Variants in UBE2E2 observed in about 807,000 individuals in gnomAD.
UBE2E2 encodes the protein ubiquitin-conjugating enzyme E2 E2.
Under a neutral mutation model 24.7 loss-of-function variants are expected in UBE2E2, and 6 were observed. The observed-to-expected ratio is 0.24, with a 90% CI of 0.13 to 0.48. The LOEUF (loss-of-function observed/expected upper bound fraction) is 0.48, where lower values mean the gene tolerates loss of function less well. Ranked by LOEUF, UBE2E2 falls within the 20% of genes least tolerant of loss-of-function variation. UBE2E2 has a pLI of 0.99. For synonymous variants in UBE2E2, 104 were observed against 83.6 expected (o/e 1.24, Z -1.33); for missense variants, 169 against 245.0 (o/e 0.69, Z 2.07).
chr3:23,418,994 G>T (rs1441069769), intron 3 of UBE2E2, among the ~76,000 whole-genome samples: 1 of 149,772 alleles, frequency 6.7e-6, no homozygotes, highest in Non-Finnish European at 1.5e-5. Context: ...TGCTCTGTTG[G>T]CCAGGCTTGA....
At chr3:23,348,250 C>A (rs1695620140) in intron 3 of UBE2E2, among the ~76,000 whole-genome samples, 1 of 150,810 alleles carries the variant, frequency 6.6e-6, no homozygotes, top group African/African-American at 2.4e-5. Context: ...AATGCTCCTG[C>A]TGCATGGTTT....
At chr3:23,449,890 C>T in intron 3 of UBE2E2, 1 of 985,436 alleles carries the variant, frequency 1.0e-6, no homozygotes. Flanking sequence ...AAGGTCCCAC[C>T]AGTGCGGAGG....
chr3:23,405,211 G>A (rs1178279713), intron 3 of UBE2E2, among the ~76,000 whole-genome samples: 1 of 152,130 alleles, frequency 6.6e-6, no homozygotes, highest in African/African-American at 2.4e-5. Context: ...TTCCAAATAT[G>A]TCTCTTAGCT....
intron 5 of UBE2E2, among the ~76,000 whole-genome samples, chr3:23,553,687 T>A (rs1343341223): frequency 6.6e-6 from 1 of 152,084 alleles, no homozygotes; most frequent in Non-Finnish European, 1.5e-5. Context: ...ATAAATAAAT[T>A]CAGTAAAGTT....
intron 4 of UBE2E2, among the ~76,000 whole-genome samples, chr3:23,514,327 T>G (rs1369383356): frequency 1.3e-5 from 2 of 152,216 alleles, no homozygotes; most frequent in Non-Finnish European, 2.9e-5. Flanking sequence ...TCCAAAGACC[T>G]TATGTGCCTT....
chr3:23,431,352 G>A (rs1698056071), intron 3 of UBE2E2, among the ~76,000 whole-genome samples: 1 of 152,180 alleles, frequency 6.6e-6, no homozygotes, highest in Admixed American at 6.5e-5. Flanking sequence ...TGCTTAGTGA[G>A]CTGTTCAAAG....
At chr3:23,265,002 A>G (rs983568736) in intron 3 of UBE2E2, among the ~76,000 whole-genome samples, 1 of 152,194 alleles carries the variant, frequency 6.6e-6, no homozygotes, top group Admixed American at 6.5e-5. Context: ...TAATAGCGTC[A>G]GTAGAGTATT....
At chr3:23,257,512 G>GCCCCC (rs5847227) in intron 3 of UBE2E2, among the ~76,000 whole-genome samples, 31 of 31,138 alleles carry the variant, frequency 1.0e-3, no homozygotes, top group South Asian at 1.7e-3. Flanking sequence ...TGTTTCCCGT[G>GCCCCC]CCCCCCCCCC....
At chr3:23,413,451 A>T (rs2125383632) in intron 3 of UBE2E2, among the ~76,000 whole-genome samples, 1 of 152,174 alleles carries the variant, frequency 6.6e-6, no homozygotes, top group Middle Eastern at 3.4e-3. Flanking sequence ...GCTCAGCCTT[A>T]ATCTTTTGGC....
chr3:23,559,727 A>C (rs916573411), intron 5 of UBE2E2, among the ~76,000 whole-genome samples: 3 of 152,192 alleles, frequency 2.0e-5, no homozygotes, highest in Non-Finnish European at 1.5e-5. Context: ...ACATGAATTG[A>C]CACCACAGTG....
At chr3:23,479,523 A>G (rs547351713) in intron 3 of UBE2E2, among the ~76,000 whole-genome samples, 1 of 151,958 alleles carries the variant, frequency 6.6e-6, no homozygotes, top group South Asian at 2.1e-4. Flanking sequence ...TTCACCCACA[A>G]GATGGTGAGT....
In UBE2E2 at chr3:23,407,322, C is replaced by G. The variant is rs143342226; in HGVS notation, c.228-92286C>G. Among the ~76,000 whole-genome samples the G allele has an allele frequency of 2.0e-5, 3 of 152,256 alleles. 1 individual carries two copies. The highest frequency in any genetic ancestry group is 7.2e-5 in the African/African-American group (3 of 41,550). Reference sequence around the variant, plus strand: ...CCTGGTATAAACAGCCCTAGTCTAGCTGCTACACAGCTGCTTAGTTCTGGT... The same window carrying G: ...CCTGGTATAAACAGCCCTAGTCTAGGTGCTACACAGCTGCTTAGTTCTGGT... On this transcript the variant is annotated intron_variant, in intron 3 of 5. Transcript: ENST00000396703. The surrounding 1 kb of genome is among the most constrained non-coding windows in gnomAD (Gnocchi z 4.0).
chr3:23,237,468 G>C (rs1029126114), intron 3 of UBE2E2, among the ~76,000 whole-genome samples: 1 of 152,064 alleles, frequency 6.6e-6, no homozygotes, highest in Non-Finnish European at 1.5e-5. Flanking sequence ...TCTTAATAAA[G>C]ATTTTCCCTT....
intron 3 of UBE2E2, among the ~76,000 whole-genome samples, chr3:23,496,850 A>G (rs1699612845): frequency 6.6e-6 from 1 of 152,162 alleles, no homozygotes; most frequent in Admixed American, 6.5e-5. Context: ...TAGAGGTACC[A>G]GCCCCCTGTG....
intron 3 of UBE2E2, among the ~76,000 whole-genome samples, chr3:23,266,424 A>G (rs1698051175): frequency 1.3e-5 from 2 of 152,166 alleles, no homozygotes; most frequent in African/African-American, 4.8e-5. Flanking sequence ...TTGGCTGGAT[A>G]TGAAATTCTA....
At position 23,515,120 on chromosome 3, in the gene UBE2E2, G is replaced by GGT. The variant is rs58387270; in HGVS notation, c.360+15413_360+15414dup. Among the ~76,000 whole-genome samples, 1,037 of 148,092 alleles carry GGT rather than the reference G, an allele frequency of 7.0e-3. 4 individuals carry two copies. Among genetic ancestry groups the GGT allele is most frequent in the Admixed American group, 0.015 (218 of 14,772 alleles). ...AGTTGTAGGGACAAAATAAACTTGG[G>GGT]GTGTGTGTGTGTGTGTGTGTGTGTG... On this transcript the variant is annotated intron_variant, in intron 4 of 5. Coordinates refer to ENST00000396703, the MANE Select transcript of UBE2E2 (RefSeq NM_152653.4).
intron 2 of UBE2E2, among the ~76,000 whole-genome samples, chr3:23,215,154 T>C (rs1208170553): frequency 6.6e-6 from 1 of 152,196 alleles, no homozygotes; most frequent in Non-Finnish European, 1.5e-5. Flanking sequence ...CTCTACTTTG[T>C]AAATTGGGGA....
At chr3:23,262,274 G>A (rs150670605) in intron 3 of UBE2E2, among the ~76,000 whole-genome samples, 1 of 152,066 alleles carries the variant, frequency 6.6e-6, no homozygotes, top group African/African-American at 2.4e-5. Context: ...TGTATTCAGG[G>A]CTCTTACCAA....
chr3:23,553,095 GAGAAAT>G (rs10575820), intron 5 of UBE2E2, among the ~76,000 whole-genome samples: 79,840 of 151,124 alleles, frequency 0.53, 21,521 homozygotes, highest in East Asian at 0.73. Flanking sequence ...AAAAATGAGA[GAGAAAT>G]AGAAATTTTC....
Sources: gnomAD v4.1 joint callset for allele counts (sites outside exome capture counted in the v4.1 genomes callset) on GRCh38, gnomAD v4.1.1 for gene constraint, Gnocchi (gnomAD v3.1) non-coding constraint, MANE v1.5 for transcripts, NCBI Gene and HGNC (gene_info 2026-07-23, HGNC 2026-07-21) for gene names.